Variants in UNC5D observed in about 807,000 individuals in gnomAD.
UNC5D encodes the protein unc-5 netrin receptor D.
UNC5D carries 39 observed loss-of-function variants against 105.4 expected under a neutral mutation model. The observed-to-expected ratio is 0.37, with a 90% confidence interval of 0.29 to 0.48. The LOEUF (loss-of-function observed/expected upper bound fraction) is 0.48. Among genes scored for constraint, UNC5D ranks in the 20% least tolerant of loss-of-function variants. UNC5D has a pLI of 0.98. For missense variants in UNC5D, 991 were observed against 1,202.4 expected (o/e 0.82, Z 2.60); for synonymous variants, 452 against 450.4 (o/e 1.00, Z -0.04).
At chr8:35,608,026 T>C (rs1364605344) in intron 4 of UNC5D, among the ~76,000 whole-genome samples, 1 of 152,166 alleles carries the variant, frequency 6.6e-6, no homozygotes, top group Non-Finnish European at 1.5e-5. Flanking sequence ...TAATCCTGCA[T>C]GGCCTCATAC....
intron 1 of UNC5D, among the ~76,000 whole-genome samples, chr8:35,409,013 T>C (rs1804984463): frequency 6.6e-6 from 1 of 152,124 alleles, no homozygotes; most frequent in African/African-American, 2.4e-5. Context: ...AAGTATCTTA[T>C]AAATAAATCA....
intron 6 of UNC5D, among the ~76,000 whole-genome samples, chr8:35,685,481 G>A (rs1001045082): frequency 6.6e-6 from 1 of 152,020 alleles, no homozygotes; most frequent in Non-Finnish European, 1.5e-5. Context: ...TTAACTCCAA[G>A]GACACTGGAC....
chr8:35,512,647 C>CT (rs1812835983), intron 1 of UNC5D, among the ~76,000 whole-genome samples: 1 of 144,090 alleles, frequency 6.9e-6, no homozygotes, highest in Non-Finnish European at 1.5e-5. Context: ...AAACAGAGGT[C>CT]TTTATCTAGC....
At chr8:35,547,285 C>CTTTTTT (rs11363785) in intron 1 of UNC5D, among the ~76,000 whole-genome samples, 2 of 128,030 alleles carry the variant, frequency 1.6e-5, no homozygotes, top group Non-Finnish European at 1.6e-5. Flanking sequence ...GAACATTACT[C>CTTTTTT]TTTTTTTTTT....
chr8:35,576,807 G>A (rs1207064929), intron 3 of UNC5D, among the ~76,000 whole-genome samples: 1 of 152,094 alleles, frequency 6.6e-6, no homozygotes, highest in African/African-American at 2.4e-5. Flanking sequence ...TAGAGATGGG[G>A]TTTCACTATG....
chr8:35,447,220 T>G (rs1321462854), intron 1 of UNC5D, among the ~76,000 whole-genome samples: 1 of 152,120 alleles, frequency 6.6e-6, no homozygotes, highest in African/African-American at 2.4e-5. Context: ...TTTGTAGATG[T>G]ACAATCTAGT....
intron 1 of UNC5D, among the ~76,000 whole-genome samples, chr8:35,515,423 G>T (rs761168224): frequency 6.6e-6 from 1 of 152,144 alleles, no homozygotes; most frequent in African/African-American, 2.4e-5. Context: ...GGTGGCTCAC[G>T]CCTGTAATCC....
chr8:35,681,650 C>T (rs1286310750), intron 4 of UNC5D, among the ~76,000 whole-genome samples: 3 of 152,168 alleles, frequency 2.0e-5, no homozygotes, highest in African/African-American at 7.2e-5. Flanking sequence ...CCATCAGGAA[C>T]CCTGGGATTT....
chr8:35,393,125 CTTT>C (rs34886215), intron 1 of UNC5D, among the ~76,000 whole-genome samples: 1 of 75,064 alleles, frequency 1.3e-5, no homozygotes, highest in Non-Finnish European at 2.6e-5. Context: ...CCTATTCCTA[CTTT>C]TTTTTTTTTT....
intron 8 of UNC5D, among the ~76,000 whole-genome samples, chr8:35,720,000 T>C (rs1011639113): frequency 3.9e-5 from 6 of 152,210 alleles, no homozygotes; most frequent in African/African-American, 1.2e-4. Context: ...ATATCAAACA[T>C]TGATACTTTG....
intron 4 of UNC5D, among the ~76,000 whole-genome samples, chr8:35,626,893 A>T (rs977397364): frequency 1.3e-5 from 2 of 152,120 alleles, no homozygotes; most frequent in African/African-American, 4.8e-5. Flanking sequence ...TTCACTTACT[A>T]AAAATCTGTA....
intron 1 of UNC5D, among the ~76,000 whole-genome samples, chr8:35,454,809 C>G (rs542104803): frequency 6.6e-6 from 1 of 152,024 alleles, no homozygotes; most frequent in African/African-American, 2.4e-5. Context: ...ATTAACAGAC[C>G]TAATTCACAG....
intron 1 of UNC5D, among the ~76,000 whole-genome samples, chr8:35,294,072 T>G (rs2128864452): frequency 6.6e-6 from 1 of 152,276 alleles, no homozygotes; most frequent in East Asian, 1.9e-4. Flanking sequence ...TCCAAGAGGA[T>G]TTTTGTTGTC....
chr8:35,484,469 G>C (rs565973196), intron 1 of UNC5D, among the ~76,000 whole-genome samples: 1 of 151,604 alleles, frequency 6.6e-6, no homozygotes, highest in African/African-American at 2.4e-5. Flanking sequence ...CAGTCTCCTC[G>C]CTCCCACATG....
chr8:35,250,557 C>T (rs549029329), intron 1 of UNC5D, among the ~76,000 whole-genome samples: 1 of 152,094 alleles, frequency 6.6e-6, no homozygotes, highest in Non-Finnish European at 1.5e-5. Context: ...TGCAGTGGCA[C>T]GATCTCGGCT....
chr8:35,705,124 C>T (rs1827479424), intron 7 of UNC5D, among the ~76,000 whole-genome samples: 1 of 152,058 alleles, frequency 6.6e-6, no homozygotes. Context: ...GCCACCTCGC[C>T]CGGCTAATTT....
chr8:35,386,251 G>A (rs907456468), intron 1 of UNC5D, among the ~76,000 whole-genome samples: 2 of 151,696 alleles, frequency 1.3e-5, no homozygotes, highest in East Asian at 1.9e-4. Flanking sequence ...AGCATCATTC[G>A]CTCCAATTTA....
intron 12 of UNC5D, among the ~76,000 whole-genome samples, chr8:35,749,449 C>T (rs1830158304): frequency 1.3e-5 from 2 of 152,164 alleles, no homozygotes; most frequent in Admixed American, 1.3e-4. Flanking sequence ...ATGACCTGTT[C>T]CAGCCAGCCC....
intron 2 of UNC5D, among the ~76,000 whole-genome samples, chr8:35,550,435 TA>T (rs1224631002): frequency 6.6e-6 from 1 of 152,220 alleles, no homozygotes; most frequent in Non-Finnish European, 1.5e-5. Context: ...TTGATTTTTT[TA>T]GATGGTCAAC....
Sources: allele counts gnomAD v4.1 joint callset (sites outside exome capture counted in the v4.1 genomes callset), GRCh38; gene constraint gnomAD v4.1.1; transcripts MANE v1.5; gene names NCBI Gene and HGNC (gene_info 2026-07-23, HGNC 2026-07-21).